The following FTCDNL1 variants were observed in gnomAD, a reference collection of about 807,000 sequenced individuals.
FTCDNL1 encodes the protein formiminotransferase cyclodeaminase N-terminal like, also known as formiminotransferase N-terminal subdomain-containing protein.
In FTCDNL1, 11 loss-of-function variants were observed where a neutral mutation model predicts 5.9. The ratio of observed to expected loss-of-function variants is 1.87; its 90% CI spans 1.18 to 3.10. FTCDNL1 has a LOEUF of 3.10. Ranked by LOEUF, FTCDNL1 falls within the 30% of genes most tolerant of loss-of-function variation. The pLI, the probability that FTCDNL1 is intolerant of heterozygous loss-of-function variation, is 0.00. For synonymous variants in FTCDNL1, 58 were observed against 24.8 expected (o/e 2.34, Z -3.99); for missense variants, 115 against 65.5 (o/e 1.76, Z -2.61).
Position 199,822,476 on chromosome 2 carries a change from A to T in FTCDNL1, c.212-2719T>A, listed in dbSNP as rs542192000. On this transcript the variant is annotated intron_variant, in intron 3 of 4. Transcript: ENST00000420128. ...AGTCATCATCTTTTTGCTGGTGGAC[A>T]TTCTGGCCTTCATCTTGATTGCTGC... Among the ~76,000 whole-genome samples the T allele has an allele frequency of 1.3e-4, 20 of 152,338 alleles. No homozygotes were observed. The South Asian group carries it at 3.7e-3, about 28-fold the overall frequency.
rs1698458317 is a variant in FTCDNL1 at position 199,765,237 on chromosome 2, T to C, written c.212-4402A>G. ...CAACACCAAGAGTGAACCCGAATGT[T>C]AACGATGAACTTGACATGATAATGT... is the stretch of plus-strand genomic sequence containing the variant. On this transcript the variant is annotated intron_variant, in intron 3 of 3. Coordinates refer to the FTCDNL1 transcript ENST00000416668. 2.6e-5 allele frequency among the ~76,000 whole-genome samples: 4 copies of C among 152,214 alleles called. No individual in the cohort carries two copies. In the South Asian group the frequency reaches 8.3e-4, roughly 32 times the overall value.
At chr2:199,826,880 G>A (rs1702071031) in intron 3 of FTCDNL1, among the ~76,000 whole-genome samples, 1 of 152,044 alleles carries the variant, frequency 6.6e-6, no homozygotes, top group African/African-American at 2.4e-5. Flanking sequence ...AAACTGATGA[G>A]AAAAAAATTT....
At chr2:199,823,404 CT>C (rs1454047613) in intron 3 of FTCDNL1, among the ~76,000 whole-genome samples, 12 of 152,088 alleles carry the variant, frequency 7.9e-5, no homozygotes, top group African/African-American at 2.7e-4. Flanking sequence ...TTTCAATTTA[CT>C]TTTTCCAGAT....
the FTCDNL1 span, among the ~76,000 whole-genome samples, chr2:199,751,202 T>C: frequency 2.0e-5 from 3 of 152,218 alleles, no homozygotes; most frequent in African/African-American, 4.8e-5. Context: ...AGTGTGGTGA[T>C]AATTAATGAT....
the FTCDNL1 span, among the ~76,000 whole-genome samples, chr2:199,751,913 G>A: frequency 6.6e-6 from 1 of 151,898 alleles, no homozygotes; most frequent in East Asian, 1.9e-4. Context: ...GTCTTGGGGG[G>A]CCAGTTAGGA....
chr2:199,788,010 A>G (rs1699746525), intron 3 of FTCDNL1, among the ~76,000 whole-genome samples: 1 of 152,256 alleles, frequency 6.6e-6, no homozygotes, highest in African/African-American at 2.4e-5. Flanking sequence ...GGATTTCTGC[A>G]TTTAAAATAA....
chr2:199,667,468 C>T, the FTCDNL1 span, among the ~76,000 whole-genome samples: 1 of 131,602 alleles, frequency 7.6e-6, no homozygotes, highest in African/African-American at 2.6e-5. Context: ...GAGACCTCGT[C>T]TCTACAAAAA....
chr2:199,664,414 C>T, the FTCDNL1 span, among the ~76,000 whole-genome samples: 21 of 152,122 alleles, frequency 1.4e-4, no homozygotes, highest in Admixed American at 1.4e-3. Flanking sequence ...AAGATTTTAG[C>T]TTTTTTCTTC....
chr2:199,788,605 A>G, intron 3 of FTCDNL1, among the ~76,000 whole-genome samples: 1 of 152,304 alleles, frequency 6.6e-6, no homozygotes, highest in East Asian at 1.9e-4. Context: ...TAAAAATTAA[A>G]GAATTAAATA....
In FTCDNL1 at chr2:199,819,415, C is replaced by A. The variant is rs894363992; in HGVS notation, c.397+157G>T. 9.9e-6 allele frequency: 6 copies of A among 603,662 alleles called. No homozygotes were observed. The African/African-American group carries it at 1.1e-4, about 11-fold the overall frequency. The allele number at this position is 603,662 out of a possible 1,614,324, so 37.4% of individuals were successfully genotyped here. The stretch of plus-strand genomic sequence containing the variant: ...AGGCTCACAGGTTAGCTTAAAAGGG[C>A]CTGGGTGAGAGTAACAGCAGAAAGG... On this transcript the variant is annotated intron_variant, in intron 4 of 4. Transcript: ENST00000420128.
the FTCDNL1 span, among the ~76,000 whole-genome samples, chr2:199,721,271 C>A: frequency 6.6e-6 from 1 of 152,110 alleles, no homozygotes; most frequent in Non-Finnish European, 1.5e-5. Flanking sequence ...GATGCTCTCC[C>A]TTCCCCCTAC....
At chr2:199,739,926 C>G in the FTCDNL1 span, among the ~76,000 whole-genome samples, 3 of 152,206 alleles carry the variant, frequency 2.0e-5, no homozygotes, top group South Asian at 6.2e-4. Flanking sequence ...GCCTAGGATC[C>G]TGGGACACGG....
At chr2:199,734,296 T>C in the FTCDNL1 span, among the ~76,000 whole-genome samples, 1 of 152,328 alleles carries the variant, frequency 6.6e-6, no homozygotes, top group South Asian at 2.1e-4. Context: ...TTATACAACA[T>C]ACAATGTGTA....
chr2:199,724,478 A>T, the FTCDNL1 span, among the ~76,000 whole-genome samples: 1 of 151,588 alleles, frequency 6.6e-6, no homozygotes, highest in Non-Finnish European at 1.5e-5. Context: ...TGACATTAGG[A>T]TGTTGATTTG....
intron 3 of FTCDNL1, among the ~76,000 whole-genome samples, chr2:199,820,753 T>C (rs530707841): frequency 1.3e-5 from 2 of 152,324 alleles, no homozygotes; most frequent in Non-Finnish European, 2.9e-5. Flanking sequence ...ATAGAATTGC[T>C]GGGCTTTTCT....
At chr2:199,767,954 A>C (rs1283077305) in intron 3 of FTCDNL1, among the ~76,000 whole-genome samples, 1 of 152,250 alleles carries the variant, frequency 6.6e-6, no homozygotes, top group Non-Finnish European at 1.5e-5. Flanking sequence ...ATTTCAATGA[A>C]TTAAAAGGAC....
intron 4 of FTCDNL1, among the ~76,000 whole-genome samples, chr2:199,813,360 T>A (rs534628446): frequency 3.3e-5 from 5 of 150,588 alleles, no homozygotes; most frequent in Non-Finnish European, 7.4e-5. Context: ...GGTGAAAGGA[T>A]TCTATATATT....
intron 3 of FTCDNL1, among the ~76,000 whole-genome samples, chr2:199,801,638 G>T (rs1700454754): frequency 6.6e-6 from 1 of 151,974 alleles, no homozygotes; most frequent in African/African-American, 2.4e-5. Context: ...CTGGGTAACA[G>T]AGTGACAATG....
intron 3 of FTCDNL1, among the ~76,000 whole-genome samples, chr2:199,765,556 A>ATATATATATATT: frequency 4.7e-5 from 2 of 42,652 alleles, no homozygotes; most frequent in Admixed American, 4.3e-4. Flanking sequence ...ATATATATAT[A>ATATATATATATT]TTTTTTTTTT....
Sources: allele counts gnomAD v4.1 joint callset (sites outside exome capture counted in the v4.1 genomes callset), GRCh38; gene constraint gnomAD v4.1.1; transcripts MANE v1.5; gene names NCBI Gene and HGNC (gene_info 2026-07-23, HGNC 2026-07-21).